The following NDRG3 variants were observed in gnomAD, a reference collection of about 807,000 sequenced individuals.
NDRG3 encodes NDRG family member 3, also known as protein NDRG3.
A neutral mutation model predicts 57.2 loss-of-function variants in NDRG3; 23 were observed. The ratio of observed to expected loss-of-function variants is 0.40; its 90% CI spans 0.29 to 0.57. The LOEUF is 0.57. Ranked by LOEUF, NDRG3 falls within the 20% of genes least tolerant of loss-of-function variation. The pLI is 0.42. For missense variants in NDRG3, 384 were observed against 457.3 expected (o/e 0.84, Z 1.46); for synonymous variants, 132 against 162.6 (o/e 0.81, Z 1.43).
chr20:36,674,061 G>C (rs1338658927), intron 8 of NDRG3, among the ~76,000 whole-genome samples: 1 of 151,984 alleles, frequency 6.6e-6, no homozygotes, highest in East Asian at 1.9e-4. Flanking sequence ...CCGAGATCAC[G>C]CCACTGCACA....
Position 36,728,487 on chromosome 20 carries a change from T to C in NDRG3, c.-48-6704A>G, listed in dbSNP as rs917415858. 4.6e-5 allele frequency among the ~76,000 whole-genome samples: 7 copies of C among 152,216 alleles called. No homozygotes were observed. In the East Asian group the frequency reaches 9.7e-4, roughly 21 times the overall value. On this transcript the variant is annotated intron_variant, in intron 1 of 15. Transcript: ENST00000349004. ...ACAGATGGATAGACAGATGGATAGA[T>C]AGATGGATGGATGGGTGGATGGATA...
At chr20:36,742,901 C>G (rs1345584163) in intron 1 of NDRG3, among the ~76,000 whole-genome samples, 1 of 152,150 alleles carries the variant, frequency 6.6e-6, no homozygotes, top group Non-Finnish European at 1.5e-5. Context: ...AATAAAGAAT[C>G]TATGCACATA....
At position 36,668,830 on chromosome 20, in the gene NDRG3, G is replaced by C. The variant is rs149110469; in HGVS notation, c.589-2438C>G. Among the ~76,000 whole-genome samples the C allele has an allele frequency of 2.7e-3, 402 of 151,366 alleles. 2 individuals carry two copies. Among genetic ancestry groups the C allele is most frequent in the African/African-American group, 9.3e-3 (384 of 41,302 alleles). ...GAGATAAATTGTATATATAGCGAGA[G>C]AAATATATATATATATGTAACTATA... On this transcript the variant is annotated intron_variant, in intron 9 of 15. Transcript: ENST00000349004.
chr20:36,713,187 A>C (rs983291965), intron 2 of NDRG3, among the ~76,000 whole-genome samples: 1 of 152,208 alleles, frequency 6.6e-6, no homozygotes, highest in African/African-American at 2.4e-5. Context: ...TTCAAGGAAA[A>C]AATTAAAACA....
intron 3 of NDRG3, among the ~76,000 whole-genome samples, chr20:36,698,108 G>A (rs2085183025): frequency 6.6e-6 from 1 of 151,638 alleles, no homozygotes; most frequent in African/African-American, 2.4e-5. Flanking sequence ...TGGGACTACA[G>A]GCACACGCCA....
intron 2 of NDRG3, among the ~76,000 whole-genome samples, chr20:36,718,675 T>A (rs1249784056): frequency 2.0e-5 from 3 of 152,002 alleles, no homozygotes; most frequent in Admixed American, 2.0e-4. Context: ...AAAGAGAGCC[T>A]CTTTCTCTAT....
intron 1 of NDRG3, among the ~76,000 whole-genome samples, chr20:36,743,216 G>A (rs1307383823): frequency 2.0e-5 from 3 of 152,190 alleles, no homozygotes; most frequent in African/African-American, 7.2e-5. Context: ...AAAAGCAGCC[G>A]GGCTCGGAGG....
At chr20:36,665,410 T>G (rs1979541304) in intron 10 of NDRG3, 109 bp from the exon 11 acceptor site, 3 of 981,666 alleles carry the variant, frequency 3.1e-6, no homozygotes, top group Non-Finnish European at 3.2e-6. Context: ...AAACTATCTT[T>G]CCTTCACACC....
chr20:36,719,714 C>T (rs904650182), intron 2 of NDRG3, among the ~76,000 whole-genome samples: 7 of 151,514 alleles, frequency 4.6e-5, no homozygotes, highest in African/African-American at 1.2e-4. Context: ...CCTCACACTC[C>T]GTCAACACTC....
intron 6 of NDRG3, among the ~76,000 whole-genome samples, chr20:36,683,417 C>T (rs900404505): frequency 1.3e-4 from 19 of 151,808 alleles, no homozygotes; most frequent in African/African-American, 4.3e-4. Context: ...AGTTCGAGGT[C>T]AGCCTGGCCA....
Position 36,688,771 on chromosome 20 carries a change from T to A in NDRG3, c.107A>T (p.Glu36Val). 1 of 1,612,952 alleles carries A rather than the reference T, an allele frequency of 6.2e-7. No homozygotes were observed. Among genetic ancestry groups the A allele is most frequent in the Non-Finnish European group, 8.5e-7 (1 of 1,178,934 alleles). The change falls in exon 4 of 16, where the codon GAA (glutamate) becomes GTA (valine). Residue 36 changes from glutamate (E) to valine (V), a missense_variant. Physicochemically the swap from Glu to Val is moderately radical, Grantham distance 121 (BLOSUM62 -2). Transcript: ENST00000349004. ...QDFDCQEHDIETTHGVVHVTI... is the reference protein window; with the variant it reads ...QDFDCQEHDIVTTHGVVHVTI... ...GACGTGGACCACACCATGAGTTGTT[T>A]CTATATCATGTTCCTGTAACAAGAG...
chr20:36,701,408 G>T (rs193238066), intron 3 of NDRG3, among the ~76,000 whole-genome samples: 26 of 152,036 alleles, frequency 1.7e-4, no homozygotes, highest in Middle Eastern at 6.8e-3. Flanking sequence ...AGCCAGGCAC[G>T]GTGGCATGTG....
At chr20:36,705,332 A>AAAAAAG (rs1983488091) in intron 3 of NDRG3, among the ~76,000 whole-genome samples, 2 of 150,226 alleles carry the variant, frequency 1.3e-5, no homozygotes, top group East Asian at 1.9e-4. Context: ...AAAAAAAAAA[A>AAAAAAG]AAAAGAAAAG....
At chr20:36,712,587 ATTTTTTT>A (rs71186015) in intron 2 of NDRG3, among the ~76,000 whole-genome samples, 4 of 5,912 alleles carry the variant, frequency 6.8e-4, no homozygotes, top group African/African-American at 1.6e-3. Flanking sequence ...ATATATATAT[ATTTTTTT>A]TTTTTTTTTT....
chr20:36,673,026 G>T (rs1359177892), intron 8 of NDRG3, among the ~76,000 whole-genome samples: 1 of 151,984 alleles, frequency 6.6e-6, no homozygotes, highest in African/African-American at 2.4e-5. Context: ...ACCACGCCAG[G>T]CTAATTTTTT....
At chr20:36,716,635 T>A (rs1295894781) in intron 2 of NDRG3, among the ~76,000 whole-genome samples, 4 of 152,208 alleles carry the variant, frequency 2.6e-5, no homozygotes, top group African/African-American at 9.7e-5. Flanking sequence ...TTCCCCTTTC[T>A]GCTATTTCCT....
At chr20:36,664,803 C>A (rs1452894242) in intron 12 of NDRG3, among the ~76,000 whole-genome samples, 4 of 152,026 alleles carry the variant, frequency 2.6e-5, no homozygotes, top group East Asian at 1.9e-4. Flanking sequence ...AATCCTCCTA[C>A]CTCAGCCTCC....
Position 36,653,581 on chromosome 20 carries a change from T to C in NDRG3, c.1067A>G (p.Gln356Arg), listed in dbSNP as rs753889758. 5.0e-6 allele frequency: 8 copies of C among 1,614,046 alleles called. No individual in the cohort carries two copies. The African/African-American group carries it at 8.0e-5, about 16-fold the overall frequency. ...GACATCAGGGGACTCACAGGATTCT[T>C]GAGTTCCATCTGACTGATTGCTGGT... Reference protein sequence around the residue: ...SVTSNQSDGTQESCESPDVLD... With the variant: ...SVTSNQSDGTRESCESPDVLD... Residue 356 changes from glutamine (Q) to arginine (R), a missense_variant, in exon 16 of 16, where the codon CAA becomes CGA. Transcript: ENST00000349004. The surrounding 1 kb of genome is among the most constrained non-coding windows in gnomAD (Gnocchi z 4.2).
At chr20:36,690,299 C>T (rs1982157510) in intron 3 of NDRG3, among the ~76,000 whole-genome samples, 1 of 152,096 alleles carries the variant, frequency 6.6e-6, no homozygotes. Flanking sequence ...ATGCACCGAG[C>T]AAAGCTCAGG....
Sources: gnomAD v4.1 joint callset for allele counts (sites outside exome capture counted in the v4.1 genomes callset) on GRCh38, gnomAD v4.1.1 for gene constraint, Gnocchi (gnomAD v3.1) non-coding constraint, MANE v1.5 for transcripts, NCBI Gene and HGNC (gene_info 2026-07-23, HGNC 2026-07-21) for gene names.